The following NBAS variants were observed in gnomAD, a reference collection of about 807,000 sequenced individuals.
The protein encoded by NBAS is NAG/BC035112 fusion.
NBAS carries 219 observed loss-of-function variants against 302.5 expected under a neutral mutation model. The observed-to-expected ratio is 0.72, with a 90% CI of 0.65 to 0.81. The LOEUF (loss-of-function observed/expected upper bound fraction) is 0.81. Among genes scored for constraint, NBAS ranks in the 30% least tolerant of loss-of-function variants. The pLI, the probability that NBAS is intolerant of heterozygous loss-of-function variation, is 0.00. For missense variants in NBAS, 2,932 were observed against 2,841.6 expected (o/e 1.03, Z -0.72); for synonymous variants, 1,118 against 1,021.6 (o/e 1.09, Z -1.80).
chr2:15,196,638 T>C (rs1452236765), intron 48 of NBAS, among the ~76,000 whole-genome samples: 4 of 152,146 alleles, frequency 2.6e-5, no homozygotes, highest in Non-Finnish European at 5.9e-5. Flanking sequence ...GAATACAATT[T>C]GAGGGGAAAA....
the NBAS span, among the ~76,000 whole-genome samples, chr2:15,043,989 A>AG: frequency 4.6e-4 from 70 of 152,352 alleles, no homozygotes; most frequent in African/African-American, 1.6e-3. Flanking sequence ...TACCTGGTAC[A>AG]GAGCAGACGA....
chr2:15,493,919 A>G (rs1468471043), intron 11 of NBAS, among the ~76,000 whole-genome samples: 2 of 148,656 alleles, frequency 1.3e-5, no homozygotes, highest in African/African-American at 5.0e-5. Flanking sequence ...CTCTGCCTCG[A>G]GGGTTCAAGG....
At chr2:15,127,103 G>C in the NBAS span, among the ~76,000 whole-genome samples, 1 of 152,182 alleles carries the variant, frequency 6.6e-6, no homozygotes, top group Non-Finnish European at 1.5e-5. Flanking sequence ...CCCATGCTCA[G>C]AGGATCCTGC....
chr2:14,786,668 T>C, the NBAS span, among the ~76,000 whole-genome samples: 1 of 152,234 alleles, frequency 6.6e-6, no homozygotes, highest in Non-Finnish European at 1.5e-5. Context: ...CTAGTTTGAT[T>C]GTACTGTGGT....
At chr2:14,786,708 C>A in the NBAS span, among the ~76,000 whole-genome samples, 1 of 152,120 alleles carries the variant, frequency 6.6e-6, no homozygotes, top group Non-Finnish European at 1.5e-5. Flanking sequence ...AATTTCTGAT[C>A]TTTTCCATTT....
At chr2:14,805,823 T>G in the NBAS span, among the ~76,000 whole-genome samples, 1 of 152,200 alleles carries the variant, frequency 6.6e-6, no homozygotes, top group East Asian at 1.9e-4. Context: ...AAACGCCCAT[T>G]GATCCTTCAG....
At chr2:15,284,951 T>A (rs1669973700) in intron 42 of NBAS, among the ~76,000 whole-genome samples, 1 of 152,194 alleles carries the variant, frequency 6.6e-6, no homozygotes, top group South Asian at 2.1e-4. Context: ...TGCACATCAC[T>A]CGATTGCCTG....
At chr2:15,260,868 G>A (rs985866684) in intron 44 of NBAS, among the ~76,000 whole-genome samples, 4 of 152,146 alleles carry the variant, frequency 2.6e-5, no homozygotes, top group African/African-American at 4.8e-5. Context: ...AAAAATGTCA[G>A]GAAACGATAT....
At chr2:15,126,268 C>T in the NBAS span, among the ~76,000 whole-genome samples, 2,659 of 152,272 alleles carry the variant, frequency 0.017, 83 homozygotes, top group African/African-American at 0.061. Context: ...TCCTGAGGCC[C>T]TCACCCAAAG....
chr2:14,920,784 T>C, the NBAS span, among the ~76,000 whole-genome samples: 11 of 152,284 alleles, frequency 7.2e-5, no homozygotes, highest in South Asian at 1.5e-3. Flanking sequence ...TGAGCCTTCA[T>C]AGAATTAAAT....
At chr2:15,190,582 T>C (rs1218440852) in intron 48 of NBAS, among the ~76,000 whole-genome samples, 179 bp from the exon 49 acceptor site, 1 of 152,196 alleles carries the variant, frequency 6.6e-6, no homozygotes, top group Non-Finnish European at 1.5e-5. Context: ...CAGATTATGT[T>C]AAAATTGTTT....
At chr2:14,872,589 G>A in the NBAS span, among the ~76,000 whole-genome samples, 3 of 152,094 alleles carry the variant, frequency 2.0e-5, no homozygotes, top group East Asian at 1.9e-4. Flanking sequence ...TCACGGTCTC[G>A]CTGACTTCAG....
intron 43 of NBAS, among the ~76,000 whole-genome samples, chr2:15,276,334 C>T (rs896415307): frequency 7.2e-5 from 11 of 152,110 alleles, no homozygotes; most frequent in Non-Finnish European, 1.0e-4. Flanking sequence ...TTGAATGTGC[C>T]TTGCAAATTA....
chr2:15,030,197 T>A, the NBAS span, among the ~76,000 whole-genome samples: 1 of 151,882 alleles, frequency 6.6e-6, no homozygotes, highest in Admixed American at 6.6e-5. Context: ...GCACAATTAT[T>A]TTCCCACAAA....
chr2:14,892,748 C>T, the NBAS span, among the ~76,000 whole-genome samples: 1 of 151,038 alleles, frequency 6.6e-6, no homozygotes, highest in African/African-American at 2.4e-5. Context: ...GGTATCAAAT[C>T]GTCTTTGTAT....
chr2:14,858,212 G>A, the NBAS span, among the ~76,000 whole-genome samples: 1 of 152,226 alleles, frequency 6.6e-6, no homozygotes, highest in Middle Eastern at 3.4e-3. Flanking sequence ...ACTGTTGGTG[G>A]GAATGTGAAT....
At chr2:15,332,345 A>C (rs1672391392) in intron 35 of NBAS, among the ~76,000 whole-genome samples, 1 of 152,198 alleles carries the variant, frequency 6.6e-6, no homozygotes, top group Non-Finnish European at 1.5e-5. Context: ...TATTGTTCTA[A>C]AGCTGCAAAG....
At chr2:14,962,166 C>T in the NBAS span, among the ~76,000 whole-genome samples, 1 of 152,122 alleles carries the variant, frequency 6.6e-6, no homozygotes, top group African/African-American at 2.4e-5. Context: ...TTCTTCACAG[C>T]GTCCGTCCTG....
At position 15,216,764 on chromosome 2, in the gene NBAS, T is replaced by G. The variant is rs373494211; in HGVS notation, c.6432+2009A>C. On this transcript the variant is annotated intron_variant, in intron 48 of 51. Transcript: ENST00000281513. ...TTTAACATGTCAGGTAATATGGACA[T>G]TTTCCCCTTTTCCCAACTTCTACAC... is the stretch of plus-strand genomic sequence containing the variant. Among the ~76,000 whole-genome samples the G allele has an allele frequency of 2.0e-5, 3 of 152,308 alleles. No homozygotes were observed. The East Asian group carries it at 5.8e-4, about 29-fold the overall frequency.
Sources: allele counts gnomAD v4.1 joint callset (sites outside exome capture counted in the v4.1 genomes callset), GRCh38; gene constraint gnomAD v4.1.1; transcripts MANE v1.5; gene names NCBI Gene and HGNC (gene_info 2026-07-23, HGNC 2026-07-21).